The following USP28 variants were observed in gnomAD, a reference collection of about 807,000 sequenced individuals.
The protein encoded by USP28 is ubiquitin carboxyl-terminal hydrolase 28.
A neutral mutation model predicts 145.0 loss-of-function variants in USP28; 113 were observed. That is an observed-to-expected ratio of 0.78 (90% CI 0.67 to 0.91). The LOEUF (loss-of-function observed/expected upper bound fraction) is 0.91, where lower values mean the gene tolerates loss of function less well. Ranked by LOEUF, USP28 falls within the 40% of genes least tolerant of loss-of-function variation. The probability of loss-of-function intolerance (pLI) is 0.00; values close to 1 mark genes in which losing one functional copy is unlikely to be tolerated. For synonymous variants in USP28, 447 were observed against 450.9 expected, an observed-to-expected ratio of 0.99 and a Z score of 0.11; for missense variants, 1,201 against 1,289.6, an observed-to-expected ratio of 0.93 and a Z score of 1.05.
chr11:113,817,910 T>C (rs983973832), intron 12 of USP28, 73 bp from the exon 13 acceptor site: 1 of 1,502,706 alleles, frequency 6.7e-7, no homozygotes, highest in Admixed American at 1.8e-5. Flanking sequence ...ACAAAAGATC[T>C]GTTTATCACA....
At chr11:113,810,249 T>C (rs1940759258) in intron 16 of USP28, among the ~76,000 whole-genome samples, 2 of 152,306 alleles carry the variant, frequency 1.3e-5, no homozygotes, top group African/African-American at 2.4e-5. Context: ...CCAACTTTCA[T>C]ACAATTCAGT....
chr11:113,806,583 A>G, exon 19 of USP28: 1 of 1,566,056 alleles, frequency 6.4e-7, no homozygotes, highest in Non-Finnish European at 8.6e-7. Flanking sequence ...GCTCAGCATC[A>G]CCTACCACAA....
At chr11:113,822,032 T>A (rs954581533) in intron 12 of USP28, 2 of 152,316 alleles carry the variant, frequency 1.3e-5, no homozygotes, top group African/African-American at 2.4e-5. Flanking sequence ...AATGCTCCTA[T>A]ACTCTATTTT....
At chr11:113,832,161 G>C (rs1199870989) in intron 7 of USP28, among the ~76,000 whole-genome samples, 168 bp from the exon 8 acceptor site, 1 of 152,020 alleles carries the variant, frequency 6.6e-6, no homozygotes, top group Non-Finnish European at 1.5e-5. Flanking sequence ...CCAGACTGGA[G>C]TGCAGTGGCG....
Position 113,874,668 on chromosome 11 carries a change from AG to A in USP28, c.57+776del, listed in dbSNP as rs535462090. ...GTGGTGTTAAGTTATAACATTCCGA[AG>A]TAACACTAGAAGACATGCTCAAATT... On this transcript the variant is annotated intron_variant, in intron 1 of 24. Transcript: ENST00000003302. 448 of 1,262,808 alleles carry A rather than the reference AG, an allele frequency of 3.5e-4. 2 individuals are homozygous for A. The highest frequency in any genetic ancestry group is 2.3e-3 in the Middle Eastern group (10 of 4,312). 78.2% of individuals were successfully genotyped at this position (1,262,808 alleles called of 1,614,324 possible). A position where few individuals can be genotyped will look rare whatever the true frequency, so the allele number is the denominator to read the frequency against.
chr11:113,846,584 ACTGAAC>A (rs1945873498), intron 3 of USP28, among the ~76,000 whole-genome samples: 2 of 152,230 alleles, frequency 1.3e-5, no homozygotes, highest in African/African-American at 4.8e-5. Flanking sequence ...TCTTAACACT[ACTGAAC>A]TCTACATTTA....
chr11:113,806,077 T>C (rs1181844191), intron 19 of USP28, among the ~76,000 whole-genome samples: 1 of 149,354 alleles, frequency 6.7e-6, no homozygotes, highest in East Asian at 2.0e-4. Flanking sequence ...TACAGGTATG[T>C]GCTACCATGC....
intron 1 of USP28, among the ~76,000 whole-genome samples, chr11:113,867,972 T>C (rs537335538): frequency 6.6e-6 from 1 of 152,310 alleles, no homozygotes; most frequent in Admixed American, 6.5e-5. Context: ...ATGCAGCTGG[T>C]ACTTACTGAG....
intron 1 of USP28, chr11:113,874,540 T>C (rs560707616): frequency 7.8e-7 from 1 of 1,289,034 alleles, no homozygotes; most frequent in East Asian, 5.5e-5. Context: ...TCTGCCAGCT[T>C]TGTACGACAA....
intron 24 of USP28, among the ~76,000 whole-genome samples, chr11:113,800,235 G>A (rs1333626475): frequency 1.3e-5 from 2 of 152,234 alleles, no homozygotes; most frequent in East Asian, 3.9e-4. Flanking sequence ...TCCATCTCCT[G>A]ACCTCGTGAT....
At chr11:113,854,066 T>C (rs779955974) in intron 2 of USP28, among the ~76,000 whole-genome samples, 192 bp downstream of exon 2, 9 of 152,108 alleles carry the variant, frequency 5.9e-5, no homozygotes, top group Non-Finnish European at 1.2e-4. Context: ...CCCTGCAGGG[T>C]TACCCGAACC....
intron 12 of USP28, chr11:113,820,248 C>G (rs151316997): frequency 4.5e-4 from 69 of 152,292 alleles, no homozygotes; most frequent in African/African-American, 1.6e-3. Context: ...AAGCTACTGT[C>G]TTACCTCCAC....
Position 113,813,958 on chromosome 11 carries a change from G to A in USP28, c.1673-3C>T. The A allele has an allele frequency of 2.5e-6, 4 of 1,598,944 alleles. No individual in the cohort carries two copies. Among genetic ancestry groups the A allele is most frequent in the Non-Finnish European group, 3.4e-6 (4 of 1,175,266 alleles). On this transcript the variant is annotated splice_region_variant and splice_polypyrimidine_tract_variant and intron_variant, in intron 14 of 24. Coordinates refer to ENST00000003302, the Ensembl canonical transcript of USP28. ...ACTTGCAATACAAGTCTTTAAATCT[G>A]TTTGGAAAAAGAAAAACAAAAGCTT... is the stretch of plus-strand genomic sequence containing the variant.
At chr11:113,819,258 G>A (rs933653219) in intron 12 of USP28, among the ~76,000 whole-genome samples, 2 of 151,356 alleles carry the variant, frequency 1.3e-5, no homozygotes, top group African/African-American at 2.4e-5. Context: ...GACTACAGGT[G>A]TGCGATGCCA....
At chr11:113,835,397 C>G (rs1215152160) in intron 5 of USP28, 2 of 454,598 alleles carry the variant, frequency 4.4e-6, no homozygotes, top group African/African-American at 4.0e-5. Context: ...TCTAAAAGCC[C>G]CAGGTATATT....
chr11:113,871,373 AAG>A (rs1948795027), intron 1 of USP28, among the ~76,000 whole-genome samples: 1 of 152,116 alleles, frequency 6.6e-6, no homozygotes, highest in Admixed American at 6.6e-5. Flanking sequence ...ATAGAAAGAG[AAG>A]AGAGACATCA....
chr11:113,841,485 T>A (rs1945186649), intron 4 of USP28, among the ~76,000 whole-genome samples, 178 bp downstream of exon 4: 1 of 152,238 alleles, frequency 6.6e-6, no homozygotes, highest in South Asian at 2.1e-4. Context: ...AAGACCCCTT[T>A]CAGTTTCGCT....
intron 12 of USP28, among the ~76,000 whole-genome samples, chr11:113,818,593 T>C (rs1173525280): frequency 1.3e-5 from 2 of 152,186 alleles, no homozygotes; most frequent in Non-Finnish European, 2.9e-5. Context: ...GCATGGTGAC[T>C]CATGCTTGTA....
chr11:113,812,372 A>T, exon 16 of USP28: 1 of 1,614,110 alleles, frequency 6.2e-7, no homozygotes, highest in Non-Finnish European at 8.5e-7. Flanking sequence ...ACTTCTTCCC[A>T]GGAAGATTCA....
Sources: gnomAD v4.1 joint callset for allele counts (sites outside exome capture counted in the v4.1 genomes callset) on GRCh38, gnomAD v4.1.1 for gene constraint, MANE v1.5 for transcripts, NCBI Gene and HGNC (gene_info 2026-07-23, HGNC 2026-07-21) for gene names.